Variants in ACSL1 observed in about 807,000 individuals in gnomAD.
ACSL1 encodes the protein long-chain-fatty-acid--CoA ligase 1.
In ACSL1, 41 loss-of-function variants were observed where a neutral mutation model predicts 98.4. The observed-to-expected ratio is 0.42, with a 90% CI of 0.32 to 0.54. ACSL1 has a LOEUF of 0.54. Among genes scored for constraint, ACSL1 ranks in the 20% least tolerant of loss-of-function variants. The pLI, the probability that ACSL1 is intolerant of heterozygous loss-of-function variation, is 0.13. For synonymous variants in ACSL1, 316 were observed against 322.7 expected, an observed-to-expected ratio of 0.98 and a Z score of 0.22; for missense variants, 734 against 883.1, an observed-to-expected ratio of 0.83 and a Z score of 2.14.
intron 4 of ACSL1, among the ~76,000 whole-genome samples, chr4:184,782,330 GAAA>G (rs773273271): frequency 7.4e-6 from 1 of 134,626 alleles, no homozygotes; most frequent in African/African-American, 2.7e-5. Context: ...TTGGATGACT[GAAA>G]AAAAAAAAAA....
Position 184,780,181 on chromosome 4 carries a change from G to A in ACSL1, c.477+151C>T, listed in dbSNP as rs6856120. The A allele has an allele frequency of 1.5e-3, 1,003 of 681,080 alleles. 8 individuals carry two copies. In the African/African-American group the frequency reaches 0.016, roughly 11 times the overall value. The allele number at this position is 681,080 out of a possible 1,614,324, so 42.2% of individuals were successfully genotyped here. On this transcript the variant is annotated intron_variant, in intron 5 of 20. Coordinates refer to ENST00000281455, the MANE Select transcript of ACSL1 (RefSeq NM_001995.5). ...GCCACTGTGCCCAGCGGCCCTGGTT[G>A]AGGTTTTCATATGTGTAACTTTCTA...
At chr4:184,826,102 C>A (rs1290238644), upstream of ACSL1, 2 of 146,836 alleles carry the variant, frequency 1.4e-5, no homozygotes, top group Admixed American at 6.8e-5. Context: ...CCCGCCCTCC[C>A]GCGGCCCCGC....
At chr4:184,794,979 G>A (rs1010346130) in intron 2 of ACSL1, among the ~76,000 whole-genome samples, 5 of 151,896 alleles carry the variant, frequency 3.3e-5, no homozygotes, top group Admixed American at 6.6e-5. Flanking sequence ...ACGGTACTTC[G>A]CAAAACATCT....
At chr4:184,794,122 C>T (rs939520646) in intron 2 of ACSL1, among the ~76,000 whole-genome samples, 2 of 152,312 alleles carry the variant, frequency 1.3e-5, no homozygotes, top group East Asian at 1.9e-4. Context: ...GGATACAGAG[C>T]GCCAACCGCG....
rs1178540351 is a variant in ACSL1 at position 184,765,885 on chromosome 4, C to T, written c.1359+6G>A. 1.2e-6 allele frequency: 2 copies of T among 1,612,048 alleles called. No homozygotes were observed. The highest frequency in any genetic ancestry group is 1.3e-5 in the African/African-American group (1 of 74,996). ...GGAGAATCAGGCGCCGTGACATCCACCTCACCTGACAGCCCAGGGCTGCTC... is the reference window on the plus strand; with the variant it reads ...GGAGAATCAGGCGCCGTGACATCCATCTCACCTGACAGCCCAGGGCTGCTC... On this transcript the variant is annotated splice_donor_region_variant and intron_variant, in intron 14 of 20. Coordinates refer to ENST00000281455, the MANE Select transcript of ACSL1 (RefSeq NM_001995.5).
At chr4:184,788,367 CAT>C (rs1260862241) in intron 3 of ACSL1, 21 of 600,572 alleles carry the variant, frequency 3.5e-5, no homozygotes, top group South Asian at 1.8e-4. Context: ...ACTGGTGTAA[CAT>C]GTGACTCACC....
At chr4:184,826,294 T>C (rs1199861591), upstream of ACSL1, among the ~76,000 whole-genome samples, 2 of 152,072 alleles carry the variant, frequency 1.3e-5, no homozygotes, top group African/African-American at 4.8e-5. Flanking sequence ...AAAGGGTACA[T>C]TGGACCGCCT....
At chr4:184,771,542 G>A (rs1250533598) in intron 10 of ACSL1, among the ~76,000 whole-genome samples, 2 of 152,114 alleles carry the variant, frequency 1.3e-5, no homozygotes, top group African/African-American at 2.4e-5. Flanking sequence ...GATCATGATG[G>A]GTCCACAGAC....
chr4:184,768,212 T>C (rs1763918827), intron 12 of ACSL1, 104 bp downstream of exon 12: 3 of 1,214,642 alleles, frequency 2.5e-6, no homozygotes, highest in East Asian at 5.3e-5. Flanking sequence ...ATTGGGAGGA[T>C]TGTCCAGGGT....
At chr4:184,812,472 C>A (rs906683989) in intron 1 of ACSL1, among the ~76,000 whole-genome samples, 3 of 152,136 alleles carry the variant, frequency 2.0e-5, no homozygotes, top group African/African-American at 7.2e-5. Flanking sequence ...GACTCCTACA[C>A]CGCACACCAG....
At position 184,780,581 on chromosome 4, in the gene ACSL1, A is replaced by AT. The variant is rs958299410; in HGVS notation, c.376-149dup. The AT allele has an allele frequency of 4.6e-5, 26 of 563,644 alleles. No individual in the cohort carries two copies. In the Admixed American group the frequency reaches 5.6e-4, roughly 12 times the overall value. The allele number at this position is 563,644 out of a possible 1,614,324, so 34.9% of individuals were successfully genotyped here. A position where few individuals can be genotyped will look rare whatever the true frequency, so the allele number is the denominator to read the frequency against. ...CATGCAGGTATTCCTTTATTGATAGATTTTTTGGTAAAACACAAGGTTTTA... is the reference window on the plus strand; with the variant it reads ...CATGCAGGTATTCCTTTATTGATAGATTTTTTTGGTAAAACACAAGGTTTTA... On this transcript the variant is annotated intron_variant, in intron 4 of 20. Transcript: ENST00000281455.
At chr4:184,772,166 A>G (rs1016724885) in intron 10 of ACSL1, among the ~76,000 whole-genome samples, 5 of 152,360 alleles carry the variant, frequency 3.3e-5, no homozygotes, top group African/African-American at 4.8e-5. Context: ...GCCAATTAGG[A>G]AATTAAAATT....
At position 184,813,579 on chromosome 4, in the gene ACSL1, G is replaced by A. The variant is rs73014111; in HGVS notation, c.-32-10033C>T. 2,307 of 247,482 alleles carry A rather than the reference G, an allele frequency of 9.3e-3. 52 individuals carry two copies. Among genetic ancestry groups the A allele is most frequent in the African/African-American group, 0.047 (2,135 of 45,354 alleles). The allele number at this position is 247,482 out of a possible 1,614,324, so 15.3% of individuals were successfully genotyped here. ...GAGTCGGAATTGTGTCTCTATGACC[G>A]CAAGTTGAAGAACATGACAGCATGT... On this transcript the variant is annotated intron_variant, in intron 1 of 20. Coordinates refer to ENST00000281455, the MANE Select transcript of ACSL1 (RefSeq NM_001995.5).
At chr4:184,770,728 AG>A (rs1289575611) in intron 10 of ACSL1, among the ~76,000 whole-genome samples, 3 of 152,174 alleles carry the variant, frequency 2.0e-5, no homozygotes, top group Non-Finnish European at 2.9e-5. Flanking sequence ...TAAAAAAAAA[AG>A]ACTCCGAGTA....
intron 2 of ACSL1, among the ~76,000 whole-genome samples, chr4:184,799,367 T>C (rs895544577): frequency 6.6e-6 from 1 of 152,162 alleles, no homozygotes; most frequent in Non-Finnish European, 1.5e-5. Flanking sequence ...TCCATCCACC[T>C]TGGCCTCCCA....
chr4:184,778,907 A>T (rs975019012), intron 5 of ACSL1, among the ~76,000 whole-genome samples: 1 of 152,026 alleles, frequency 6.6e-6, no homozygotes, highest in African/African-American at 2.4e-5. Flanking sequence ...TCCCCTTGAA[A>T]GACCACAAAA....
At chr4:184,782,894 C>T (rs1414767027) in intron 4 of ACSL1, among the ~76,000 whole-genome samples, 3 of 152,160 alleles carry the variant, frequency 2.0e-5, no homozygotes, top group East Asian at 1.9e-4. Context: ...AGTGTGGCTC[C>T]GAGGCTGCAG....
rs1026862506 is a variant in ACSL1, at chr4:184,779,322, C to T, written c.477+1010G>A. On this transcript the variant is annotated intron_variant, in intron 5 of 20. Coordinates refer to ENST00000281455, the MANE Select transcript of ACSL1 (RefSeq NM_001995.5). ...CAGGGGTTTCTGCTTTTGCTTCTTC[C>T]GCATTTTCTCTTGCCGCCACCATGT... 3.9e-5 allele frequency among the ~76,000 whole-genome samples: 6 copies of T among 152,234 alleles called. No individual in the cohort carries two copies. In the South Asian group the frequency reaches 6.2e-4, roughly 16 times the overall value.
At position 184,773,996 on chromosome 4, in the gene ACSL1, C is replaced by T. The variant is rs988713063; in HGVS notation, c.757-121G>A. 1.8e-5 allele frequency: 19 copies of T among 1,032,818 alleles called. No homozygotes were observed. In the South Asian group the frequency reaches 2.8e-4, roughly 15 times the overall value. 64.0% of individuals were successfully genotyped at this position (1,032,818 alleles called of 1,614,324 possible). A position where few individuals can be genotyped will look rare whatever the true frequency, so the allele number is the denominator to read the frequency against. On this transcript the variant is annotated intron_variant, in intron 7 of 20. Transcript: ENST00000281455. This position sits in a 1 kb window ranked among gnomAD's most constrained non-coding sequence, Gnocchi z 4.3. The stretch of plus-strand genomic sequence containing the variant: ...GGTTCATTCACACCTGGCTCGAAAA[C>T]AGCATAATTTTCTAATTAAAGAAAC...
Sources: gnomAD v4.1 joint callset for allele counts (sites outside exome capture counted in the v4.1 genomes callset) on GRCh38, gnomAD v4.1.1 for gene constraint, Gnocchi (gnomAD v3.1) non-coding constraint, MANE v1.5 for transcripts, NCBI Gene and HGNC (gene_info 2026-07-23, HGNC 2026-07-21) for gene names.